The following FGF14 variants were observed in gnomAD, a reference collection of about 807,000 sequenced individuals.
FGF14 encodes the protein fibroblast growth factor 14.
In FGF14, 5 loss-of-function variants were observed where a neutral mutation model predicts 25.5. The observed-to-expected ratio is 0.20, with a 90% CI of 0.10 to 0.41. FGF14 has a LOEUF of 0.41. Ranked by LOEUF, FGF14 falls within the 10% of genes least tolerant of loss-of-function variation. The pLI, the probability that FGF14 is intolerant of heterozygous loss-of-function variation, is 1.00. For synonymous variants in FGF14, 138 were observed against 118.3 expected, an observed-to-expected ratio of 1.17 and a Z score of -1.08; for missense variants, 222 against 320.1, an observed-to-expected ratio of 0.69 and a Z score of 2.34.
At position 101,890,674 on chromosome 13, in the gene FGF14, G is replaced by A. The variant is rs535606099; in HGVS notation, c.194-15378C>T. 1.4e-4 allele frequency among the ~76,000 whole-genome samples: 21 copies of A among 152,280 alleles called. No individual in the cohort carries two copies. The South Asian group carries it at 3.5e-3, about 26-fold the overall frequency. On this transcript the variant is annotated intron_variant, in intron 1 of 4. Coordinates refer to ENST00000376143, the MANE Select transcript of FGF14 (RefSeq NM_004115.4). ...AGGAACAGAATTTACGCTTCTGTAC[G>A]TTCATGGAAGCAGACAGGTCAAGGG...
chr13:101,924,482 C>A (rs939286793), intron 1 of FGF14, among the ~76,000 whole-genome samples: 3 of 152,170 alleles, frequency 2.0e-5, no homozygotes, highest in Admixed American at 6.5e-5. Flanking sequence ...CCAGTTCATG[C>A]CTCCTAGTAA....
intron 3 of FGF14, among the ~76,000 whole-genome samples, chr13:101,831,582 T>A (rs971650360): frequency 1.3e-5 from 2 of 152,082 alleles, no homozygotes; most frequent in Non-Finnish European, 2.9e-5. Flanking sequence ...CATTGGAAAG[T>A]GAATTTCCCC....
chr13:101,789,601 A>G (rs1345772557), intron 3 of FGF14, among the ~76,000 whole-genome samples: 1 of 152,164 alleles, frequency 6.6e-6, no homozygotes, highest in Non-Finnish European at 1.5e-5. Context: ...CAAAATGTAA[A>G]GCATAAGCTG....
intron 1 of FGF14, among the ~76,000 whole-genome samples, chr13:101,879,209 C>A (rs992721715): frequency 8.5e-5 from 13 of 152,124 alleles, no homozygotes; most frequent in African/African-American, 2.9e-4. Flanking sequence ...CCCTTTTCCT[C>A]CAGTTTTGTC....
intron 1 of FGF14, among the ~76,000 whole-genome samples, chr13:102,231,477 T>TG (rs1167551994): frequency 6.6e-6 from 1 of 152,254 alleles, no homozygotes; most frequent in Non-Finnish European, 1.5e-5. Flanking sequence ...GCAGGGTCTG[T>TG]GGGGTAAAAC....
intron 1 of FGF14, among the ~76,000 whole-genome samples, chr13:102,265,998 G>A (rs2141137979): frequency 6.6e-6 from 1 of 151,786 alleles, no homozygotes; most frequent in Non-Finnish European, 1.5e-5. Flanking sequence ...AATGAAATTG[G>A]GAAGCTATGA....
intron 1 of FGF14, among the ~76,000 whole-genome samples, chr13:102,013,747 C>T (rs1213992748): frequency 2.0e-5 from 3 of 152,170 alleles, no homozygotes; most frequent in Non-Finnish European, 4.4e-5. Flanking sequence ...TCCCCTACTA[C>T]CTACTAGGCT....
Position 101,712,944 on chromosome 13 carries a change from T to C in FGF14, c.*9887A>G, listed in dbSNP as rs1449412589. 1.3e-5 allele frequency: 2 copies of C among 152,122 alleles called. No homozygotes were observed. The highest frequency in any genetic ancestry group is 2.9e-5 in the Non-Finnish European group (2 of 68,028). 9.4% of individuals were successfully genotyped at this position (152,122 alleles called of 1,614,324 possible). On this transcript the variant is annotated 3_prime_UTR_variant, in exon 5 of 5. Transcript: ENST00000376143. ...AGAAACCACAGGGCTGTCAGTCAATTATTAAAACTGAGAAGACGTGTATAT... is the reference window on the plus strand; with the variant it reads ...AGAAACCACAGGGCTGTCAGTCAATCATTAAAACTGAGAAGACGTGTATAT...
At chr13:101,990,355 G>A (rs1438234468) in intron 1 of FGF14, among the ~76,000 whole-genome samples, 1 of 152,086 alleles carries the variant, frequency 6.6e-6, no homozygotes, top group Non-Finnish European at 1.5e-5. Context: ...CTTTGAATTA[G>A]AATTTAGTGG....
intron 1 of FGF14, among the ~76,000 whole-genome samples, chr13:102,084,452 T>C (rs979796070): frequency 1.3e-5 from 2 of 152,196 alleles, no homozygotes; most frequent in African/African-American, 4.8e-5. Context: ...GCTTCCTTAC[T>C]AACAAGACAT....
intron 1 of FGF14, among the ~76,000 whole-genome samples, chr13:101,999,979 C>T (rs752201812): frequency 3.9e-5 from 6 of 152,168 alleles, no homozygotes; most frequent in Admixed American, 1.3e-4. Context: ...TTTCTAAATA[C>T]ATGATATAAA....
intron 1 of FGF14, among the ~76,000 whole-genome samples, chr13:102,090,617 G>A (rs193227242): frequency 1.6e-4 from 25 of 152,276 alleles, no homozygotes; most frequent in African/African-American, 5.5e-4. Context: ...CCACTGAAAG[G>A]GCACAGATGG....
rs1472766440 is a variant in FGF14 at position 102,311,678 on chromosome 13, A to T, written c.208+89793T>A. Among the ~76,000 whole-genome samples, 4 of 152,296 alleles carry T rather than the reference A, an allele frequency of 2.6e-5. No homozygotes were observed. The East Asian group carries it at 7.7e-4, about 29-fold the overall frequency. ...AAAGGGCTTAAAAAGACAGCGTGTA[A>T]CACAGGATATTTGAAACGAACAAAG... On this transcript the variant is annotated intron_variant, in intron 1 of 4. Transcript: ENST00000376131.
intron 3 of FGF14, among the ~76,000 whole-genome samples, chr13:101,823,418 A>G (rs2042251822): frequency 1.3e-5 from 2 of 149,290 alleles, no homozygotes; most frequent in Non-Finnish European, 3.0e-5. Context: ...GTATATATTC[A>G]TATATACACA....
Position 101,715,639 on chromosome 13 carries a change from C to A in FGF14, c.*7192G>T. On this transcript the variant is annotated 3_prime_UTR_variant, in exon 5 of 5. Coordinates refer to ENST00000376143, the MANE Select transcript of FGF14 (RefSeq NM_004115.4). Reference sequence around the variant, plus strand: ...GAAATGCATGTGAAATCTGGCTTGGCTCAGAATATCCTTAACAATTACATG... The same window carrying A: ...GAAATGCATGTGAAATCTGGCTTGGATCAGAATATCCTTAACAATTACATG... 6.2e-7 allele frequency: 1 copy of A among 1,609,696 alleles called. No homozygotes were observed. Among genetic ancestry groups the A allele is most frequent in the Non-Finnish European group, 8.5e-7 (1 of 1,176,222 alleles).
chr13:101,947,852 G>C (rs1023530221), intron 1 of FGF14, among the ~76,000 whole-genome samples: 2 of 152,100 alleles, frequency 1.3e-5, no homozygotes, highest in Middle Eastern at 3.2e-3. Flanking sequence ...GAAAAAAATT[G>C]TTGTTTCCAA....
rs2043666545 is a variant in FGF14, at chr13:101,849,988, A to G, written c.408+18737T>C. ...ACACACAAGTTAGAATTTTTTATAA[A>G]TGTGGTTCCTTAATAAAGAAAAAAA... On this transcript the variant is annotated intron_variant, in intron 3 of 4. Coordinates refer to ENST00000376143, the MANE Select transcript of FGF14 (RefSeq NM_004115.4). Among the ~76,000 whole-genome samples, 3 of 151,990 alleles carry G rather than the reference A, an allele frequency of 2.0e-5. No individual in the cohort carries two copies. The South Asian group carries it at 6.2e-4, about 32-fold the overall frequency.
intron 1 of FGF14, among the ~76,000 whole-genome samples, chr13:102,319,611 C>A (rs1442126510): frequency 1.3e-5 from 2 of 152,334 alleles, no homozygotes; most frequent in South Asian, 2.1e-4. Context: ...AGCTGCGATG[C>A]CTTACAATTG....
At chr13:101,796,855 T>G (rs2040555268) in intron 3 of FGF14, among the ~76,000 whole-genome samples, 3 of 152,092 alleles carry the variant, frequency 2.0e-5, no homozygotes, top group Admixed American at 2.0e-4. Context: ...GACAAAAATA[T>G]CCTGATTGCT....
Sources: gnomAD v4.1 joint callset for allele counts (sites outside exome capture counted in the v4.1 genomes callset) on GRCh38, gnomAD v4.1.1 for gene constraint, MANE v1.5 for transcripts, NCBI Gene and HGNC (gene_info 2026-07-23, HGNC 2026-07-21) for gene names.